MOSMO: variants seen among roughly 807,000 people sequenced by gnomAD.
The protein encoded by MOSMO is modulator of smoothened.
A neutral mutation model predicts 18.4 loss-of-function variants in MOSMO; 5 were observed. The ratio of observed to expected loss-of-function variants is 0.27; its 90% CI spans 0.14 to 0.57. The LOEUF (loss-of-function observed/expected upper bound fraction) is 0.57. Among genes scored for constraint, MOSMO ranks in the 20% least tolerant of loss-of-function variants. MOSMO has a pLI of 0.92. For missense variants in MOSMO, 138 were observed against 211.8 expected (o/e 0.65, Z 2.16); for synonymous variants, 82 against 82.3 (o/e 1.00, Z 0.02).
chr16:22,070,878 A>T (rs1356092287), intron 1 of MOSMO, among the ~76,000 whole-genome samples: 3 of 152,156 alleles, frequency 2.0e-5, no homozygotes, highest in African/African-American at 7.2e-5. Context: ...AGGGAGGTGC[A>T]CAGGGCTGTG....
intron 1 of MOSMO, among the ~76,000 whole-genome samples, chr16:22,068,675 G>A (rs1276642047): frequency 6.6e-6 from 1 of 152,004 alleles, no homozygotes; most frequent in African/African-American, 2.4e-5. Context: ...GTGTTTTCAA[G>A]GTTTATCCAT....
At chr16:22,029,307 G>A (rs540823966) in intron 1 of MOSMO, among the ~76,000 whole-genome samples, 3 of 152,254 alleles carry the variant, frequency 2.0e-5, no homozygotes, top group Admixed American at 1.3e-4. Context: ...ATGAAATAGG[G>A]TTGCCTGTAG....
chr16:22,011,170 A>G (rs2141976241), intron 1 of MOSMO, among the ~76,000 whole-genome samples: 1 of 152,284 alleles, frequency 6.6e-6, no homozygotes, highest in Admixed American at 6.5e-5. Context: ...GTTGATGGTC[A>G]TGAACATACA....
intron 1 of MOSMO, among the ~76,000 whole-genome samples, chr16:22,033,939 G>A (rs1900049718): frequency 6.6e-6 from 1 of 152,134 alleles, no homozygotes; most frequent in African/African-American, 2.4e-5. Flanking sequence ...GTAATTTATT[G>A]AATATGGCAC....
chr16:22,047,163 T>C (rs925693461), intron 1 of MOSMO, among the ~76,000 whole-genome samples: 1 of 151,876 alleles, frequency 6.6e-6, no homozygotes, highest in South Asian at 2.1e-4. Context: ...TTTTTTCTCA[T>C]GTGTTAGAGA....
intron 1 of MOSMO, among the ~76,000 whole-genome samples, chr16:22,026,618 A>G (rs149189189): frequency 3.3e-5 from 5 of 152,272 alleles, no homozygotes; most frequent in South Asian, 4.1e-4. Flanking sequence ...AAAGAGTGCA[A>G]TTGTTGGACC....
chr16:22,035,016 G>C (rs1900079546), intron 1 of MOSMO, among the ~76,000 whole-genome samples: 2 of 152,110 alleles, frequency 1.3e-5, no homozygotes, highest in Admixed American at 1.3e-4. Context: ...TTACAGGTGT[G>C]AGCCACGGCG....
chr16:22,023,997 T>TTATATATATATATATATATGTATA (rs72336979), intron 1 of MOSMO, among the ~76,000 whole-genome samples: 1 of 126,314 alleles, frequency 7.9e-6, no homozygotes, highest in East Asian at 2.1e-4. Context: ...TTTGTACAAA[T>TTATATATATATATATATATGTATA]TATATATATA....
In MOSMO at chr16:22,053,450, G is replaced by A. The variant is rs559521813; in HGVS notation, c.107-22037G>A. Reference sequence around the variant, plus strand: ...TGGGTCATTTAAAAAATAATACACAGACACACACTCATGCTCTTGTATATG... The same window carrying A: ...TGGGTCATTTAAAAAATAATACACAAACACACACTCATGCTCTTGTATATG... On this transcript the variant is annotated intron_variant, in intron 1 of 2. Transcript: ENST00000542527. Among the ~76,000 whole-genome samples, 318 of 152,114 alleles carry A rather than the reference G, an allele frequency of 2.1e-3. 1 individual carries two copies. Among genetic ancestry groups the A allele is most frequent in the Non-Finnish European group, 3.3e-3 (224 of 68,014 alleles).
At chr16:22,048,040 A>G (rs1900348807) in intron 1 of MOSMO, among the ~76,000 whole-genome samples, 1 of 152,216 alleles carries the variant, frequency 6.6e-6, no homozygotes, top group South Asian at 2.1e-4. Flanking sequence ...GTTAAGTCCT[A>G]AAGGCACATC....
intron 1 of MOSMO, among the ~76,000 whole-genome samples, chr16:22,053,750 C>T (rs1900476070): frequency 6.6e-6 from 1 of 152,080 alleles, no homozygotes; most frequent in African/African-American, 2.4e-5. Flanking sequence ...TTGCAGTGAT[C>T]TGATATCATG....
At chr16:22,054,777 AT>A (rs144296441) in intron 1 of MOSMO, among the ~76,000 whole-genome samples, 6,587 of 152,248 alleles carry the variant, frequency 0.043, 563 homozygotes, top group East Asian at 0.4. Context: ...TATCTTGACT[AT>A]TTAGAAAGAG....
At chr16:22,047,172 G>A (rs1318846544) in intron 1 of MOSMO, among the ~76,000 whole-genome samples, 1 of 149,998 alleles carries the variant, frequency 6.7e-6, no homozygotes, top group Non-Finnish European at 1.5e-5. Context: ...ATGTGTTAGA[G>A]ATCTTTCCAC....
At chr16:22,047,406 G>A (rs1598011902) in intron 1 of MOSMO, among the ~76,000 whole-genome samples, 1 of 151,798 alleles carries the variant, frequency 6.6e-6, no homozygotes, top group South Asian at 2.1e-4. Context: ...CACCACGCCC[G>A]GCTAATTTTT....
chr16:22,084,824 G>T (rs890860476), downstream of MOSMO, among the ~76,000 whole-genome samples: 2 of 152,186 alleles, frequency 1.3e-5, no homozygotes, highest in East Asian at 3.9e-4. Flanking sequence ...TTTGCTCACC[G>T]CTAGAGAAGA....
intron 1 of MOSMO, among the ~76,000 whole-genome samples, chr16:22,011,932 T>TTAA (rs1555519629): frequency 8.3e-6 from 1 of 120,544 alleles, no homozygotes; most frequent in Admixed American, 9.0e-5. Context: ...AGTCCTGAGT[T>TTAA]AAAAAAAAAA....
intron 1 of MOSMO, among the ~76,000 whole-genome samples, chr16:22,070,855 G>A (rs937095223): frequency 3.9e-5 from 6 of 152,088 alleles, no homozygotes; most frequent in Non-Finnish European, 8.8e-5. Flanking sequence ...AGCTGCCAGC[G>A]TCTGACTTAC....
chr16:22,028,799 C>A (rs1899931876), intron 1 of MOSMO, among the ~76,000 whole-genome samples: 1 of 152,194 alleles, frequency 6.6e-6, no homozygotes, highest in Non-Finnish European at 1.5e-5. Flanking sequence ...ACTTAACCTT[C>A]CCTCACTCCC....
chr16:22,009,308 C>T (rs1281915271), intron 1 of MOSMO, among the ~76,000 whole-genome samples: 1 of 152,088 alleles, frequency 6.6e-6, no homozygotes, highest in African/African-American at 2.4e-5. Context: ...TGCAGGCAGC[C>T]CGGCAGCGGG....
Sources: gnomAD v4.1 joint callset for allele counts (sites outside exome capture counted in the v4.1 genomes callset) on GRCh38, gnomAD v4.1.1 for gene constraint, MANE v1.5 for transcripts, NCBI Gene and HGNC (gene_info 2026-07-23, HGNC 2026-07-21) for gene names.